The following PCDH11X variants were observed in gnomAD, a reference collection of about 807,000 sequenced individuals.
PCDH11X encodes protocadherin 11 X-linked.
In PCDH11X, 18 loss-of-function variants were observed where a neutral mutation model predicts 53.3. That is an observed-to-expected ratio of 0.34 (90% CI 0.23 to 0.50). The LOEUF is 0.50. PCDH11X is among the 20% of genes least tolerant of loss of function. The pLI, the probability that PCDH11X is intolerant of heterozygous loss-of-function variation, is 0.98. For synonymous variants in PCDH11X, 279 were observed against 393.3 expected (o/e 0.71, Z 3.44); for missense variants, 570 against 1,032.4 (o/e 0.55, Z 6.14).
At chrX:92,038,761 C>T (rs1012692875) in intron 6 of PCDH11X, among the ~76,000 whole-genome samples, 41 of 106,572 alleles carry the variant, frequency 3.8e-4, no homozygotes, top group African/African-American at 1.3e-3. Flanking sequence ...GAAATGGGGA[C>T]GGGTCTTTCC....
intron 7 of PCDH11X, among the ~76,000 whole-genome samples, chrX:92,217,888 G>C (rs1487957987): frequency 5.4e-5 from 6 of 110,236 alleles, no homozygotes; most frequent in African/African-American, 2.0e-4. Flanking sequence ...TAGAACTCAG[G>C]ATTAAGAAAC....
chrX:91,989,525 C>T (rs1386548204), intron 6 of PCDH11X, among the ~76,000 whole-genome samples: 1 of 109,112 alleles, frequency 9.2e-6, no homozygotes, highest in Non-Finnish European at 1.9e-5. Context: ...ATCGTGCCAC[C>T]GCACTCCAAC....
intron 6 of PCDH11X, among the ~76,000 whole-genome samples, chrX:92,126,066 G>A (rs139285374): frequency 2.5e-3 from 279 of 109,433 alleles, no homozygotes; most frequent in African/African-American, 9.1e-3. Flanking sequence ...GGTGGAGGTT[G>A]CAGTAAACCA....
At chrX:92,017,849 T>A (rs1172397466) in intron 6 of PCDH11X, among the ~76,000 whole-genome samples, 1 of 105,540 alleles carries the variant, frequency 9.5e-6, no homozygotes, top group African/African-American at 3.5e-5. Context: ...AATGTAGGGT[T>A]GCTATAAACC....
intron 10 of PCDH11X, among the ~76,000 whole-genome samples, chrX:92,565,913 A>G (rs1316493764): frequency 1.9e-5 from 2 of 104,997 alleles, no homozygotes; most frequent in African/African-American, 3.5e-5. Flanking sequence ...ATAAATATGT[A>G]CACCTGCTAT....
intron 6 of PCDH11X, among the ~76,000 whole-genome samples, chrX:91,947,999 G>A (rs2061596807): frequency 1.1e-5 from 1 of 92,403 alleles, no homozygotes; most frequent in African/African-American, 3.6e-5. Flanking sequence ...CCTCTGAAAT[G>A]TTTTACATTT....
intron 5 of PCDH11X, among the ~76,000 whole-genome samples, chrX:91,872,897 C>A (rs1341206281): frequency 9.4e-6 from 1 of 106,663 alleles, no homozygotes; most frequent in Non-Finnish European, 1.9e-5. Flanking sequence ...ATGTTGGATT[C>A]ATGTGTTAGT....
chrX:91,804,741 TATA>T (rs1020688302), intron 1 of PCDH11X, among the ~76,000 whole-genome samples: 14 of 111,315 alleles, frequency 1.3e-4, no homozygotes, highest in Admixed American at 2.9e-4. Flanking sequence ...AAATGGTTCA[TATA>T]ATAATAGGCA....
intron 6 of PCDH11X, among the ~76,000 whole-genome samples, chrX:92,173,959 T>A (rs1424964390): frequency 6.7e-5 from 5 of 74,664 alleles, no homozygotes; most frequent in Non-Finnish European, 1.1e-4. Flanking sequence ...CATGACAGCC[T>A]GGGTGATAGA....
At chrX:92,243,626 C>T (rs749741298) in intron 7 of PCDH11X, among the ~76,000 whole-genome samples, 1 of 110,917 alleles carries the variant, frequency 9.0e-6, no homozygotes, top group Non-Finnish European at 1.9e-5. Flanking sequence ...CTTATTTATA[C>T]CTCCAAAATA....
At chrX:92,479,302 T>C (rs2073453507) in intron 10 of PCDH11X, among the ~76,000 whole-genome samples, 1 of 109,203 alleles carries the variant, frequency 9.2e-6, no homozygotes, top group South Asian at 4.1e-4. Flanking sequence ...GGGTCTTGGT[T>C]CTTTATGCAA....
chrX:92,244,608 G>A (rs1383832448), intron 7 of PCDH11X, among the ~76,000 whole-genome samples: 1 of 111,657 alleles, frequency 9.0e-6, no homozygotes, highest in African/African-American at 3.3e-5. Context: ...AGGACTGTGT[G>A]TTAGTGCTTT....
rs1569389506 is a variant in PCDH11X, at chrX:92,148,173, C to CTTTCTTTCTTTCTTTCT, written c.3034-53200_3034-53199insTCTTTCTTTCTTTCTTT. 2.4e-4 allele frequency among the ~76,000 whole-genome samples: 2 copies of CTTTCTTTCTTTCTTTCT among 8,392 alleles called. 1 individual carries two copies. Among genetic ancestry groups the CTTTCTTTCTTTCTTTCT allele is most frequent in the African/African-American group, 8.8e-4 (2 of 2,278 alleles). 7.3% of individuals were successfully genotyped at this position (8,392 alleles called of 115,157 possible). On this transcript the variant is annotated intron_variant, in intron 6 of 10. Coordinates refer to ENST00000682573, the MANE Select transcript of PCDH11X (RefSeq NM_032968.5). ...CCTTCCTTCCTTCCTTCCTTCCTTCCTTCTTTCTTTCTTTCTTTCTTTCTT... is the reference window on the plus strand; with the variant it reads ...CCTTCCTTCCTTCCTTCCTTCCTTCCTTTCTTTCTTTCTTTCTTTCTTTCTTTCTTTCTTTCTTTCTT...
At chrX:92,606,671 T>C (rs1233826618) in intron 10 of PCDH11X, among the ~76,000 whole-genome samples, 2 of 110,936 alleles carry the variant, frequency 1.8e-5, no homozygotes, top group African/African-American at 3.3e-5. Flanking sequence ...AAATACATTA[T>C]ACCTCATCAA....
intron 9 of PCDH11X, among the ~76,000 whole-genome samples, chrX:92,426,553 A>T (rs1323622028): frequency 3.7e-5 from 4 of 108,436 alleles, no homozygotes; most frequent in Admixed American, 1.0e-4. Context: ...AGATGACAAA[A>T]ACAAAGATAA....
intron 6 of PCDH11X, among the ~76,000 whole-genome samples, chrX:91,921,272 C>A (rs1941729445): frequency 9.1e-6 from 1 of 110,489 alleles, no homozygotes; most frequent in African/African-American, 3.3e-5. Context: ...ATATCCCCCA[C>A]CAGAGTGACA....
intron 6 of PCDH11X, among the ~76,000 whole-genome samples, chrX:91,998,894 CTTTTATTTTA>C (rs751332097): frequency 5.3e-4 from 58 of 108,668 alleles, no homozygotes; most frequent in East Asian, 8.6e-4. Context: ...GTTTCTTTTC[CTTTTATTTTA>C]TTTTATTTTA....
At chrX:92,139,280 T>C (rs867462255) in intron 6 of PCDH11X, among the ~76,000 whole-genome samples, 4 of 92,007 alleles carry the variant, frequency 4.3e-5, no homozygotes, top group African/African-American at 1.9e-4. Flanking sequence ...CTTTTTTTTT[T>C]TTTTTTTTTG....
chrX:92,345,468 T>A lies in PCDH11X; in HGVS notation c.3145-42267T>A, dbSNP rs1303327837. 2.7e-5 allele frequency among the ~76,000 whole-genome samples: 3 copies of A among 109,862 alleles called. No homozygotes were observed. In the East Asian group the frequency reaches 8.5e-4, roughly 31 times the overall value. ...AGAATATGAAGCTTTATACTCTTTT[T>A]CCCACTGGCCCCAACTCTACACTAG... On this transcript the variant is annotated intron_variant, in intron 8 of 10. Coordinates refer to ENST00000682573, the MANE Select transcript of PCDH11X (RefSeq NM_032968.5).
Sources: gnomAD v4.1 joint callset for allele counts (sites outside exome capture counted in the v4.1 genomes callset) on GRCh38, gnomAD v4.1.1 for gene constraint, MANE v1.5 for transcripts, NCBI Gene and HGNC (gene_info 2026-07-23, HGNC 2026-07-21) for gene names.